The following CNTNAP3B variants were observed in gnomAD, a reference collection of about 807,000 sequenced individuals.
The protein encoded by CNTNAP3B is contactin associated protein family member 3B, also known as contactin-associated protein-like 3B.
In CNTNAP3B, 25 loss-of-function variants were observed where a neutral mutation model predicts 108.9. The ratio of observed to expected loss-of-function variants is 0.23; its 90% CI spans 0.17 to 0.32. The LOEUF is 0.32. CNTNAP3B is among the 10% of genes least tolerant of loss of function. The probability of loss-of-function intolerance (pLI) is 1.00; values close to 1 mark genes in which losing one functional copy is unlikely to be tolerated. For missense variants in CNTNAP3B, 252 were observed against 1,210.4 expected, an observed-to-expected ratio of 0.21 and a Z score of 11.75; for synonymous variants, 103 against 473.4, an observed-to-expected ratio of 0.22 and a Z score of 10.16.
rs1241873130 is a variant in CNTNAP3B at position 42,093,513 on chromosome 9, A to T, written c.196+11116T>A. Among the ~76,000 whole-genome samples the T allele has an allele frequency of 2.3e-5, 2 of 86,220 alleles. 1 individual carries two copies. Among genetic ancestry groups the T allele is most frequent in the Non-Finnish European group, 4.8e-5 (2 of 41,902 alleles). 56.6% of individuals were successfully genotyped at this position (86,220 alleles called of 152,430 possible). A position where few individuals can be genotyped will look rare whatever the true frequency, so the allele number is the denominator to read the frequency against. On this transcript the variant is annotated intron_variant, in intron 2 of 23. Transcript: ENST00000377561. ...ACCATTTGAACTGTTTTATATGTAAAGTTCAGTAGCATTAAGTACATTCAC... is the reference window on the plus strand; with the variant it reads ...ACCATTTGAACTGTTTTATATGTAATGTTCAGTAGCATTAAGTACATTCAC...
chr9:42,099,294 T>C (rs1827975593), intron 2 of CNTNAP3B, among the ~76,000 whole-genome samples: 1 of 123,294 alleles, frequency 8.1e-6, no homozygotes, highest in African/African-American at 3.3e-5. Context: ...GTGACCCACA[T>C]CATCAACAAT....
At chr9:42,053,334 G>A (rs2118546845) in intron 3 of CNTNAP3B, among the ~76,000 whole-genome samples, 1 of 126,602 alleles carries the variant, frequency 7.9e-6, no homozygotes, top group South Asian at 2.5e-4. Context: ...TAAATGACAT[G>A]TTTTAGCCAG....
chr9:41,935,133 T>C (rs1179424613), intron 14 of CNTNAP3B, among the ~76,000 whole-genome samples: 1 of 152,292 alleles, frequency 6.6e-6, no homozygotes, highest in East Asian at 1.9e-4. Context: ...TTTTAAATCA[T>C]TATAGTGCCT....
rs1359602731 is a variant in CNTNAP3B, at chr9:42,001,391, G to A, written c.539-2787C>T. 2.3e-5 allele frequency among the ~76,000 whole-genome samples: 3 copies of A among 131,908 alleles called. 1 individual carries two copies. Among genetic ancestry groups the A allele is most frequent in the Non-Finnish European group, 4.8e-5 (3 of 62,832 alleles). 86.5% of individuals were successfully genotyped at this position (131,908 alleles called of 152,430 possible). On this transcript the variant is annotated intron_variant, in intron 4 of 23. Transcript: ENST00000377561. ...CTTGTGTCACTGCACCCCAGCCTGG[G>A]CAACACAGCAAGACCCCATTTCAAG...
Position 42,117,199 on chromosome 9 carries a change from C to G in CNTNAP3B, c.85+11811G>C, listed in dbSNP as rs1278833267. ...CCTAATAGACATCTACAGAACTCTCCACCCCAAATCAATAGAATATATATT... is the reference window on the plus strand; with the variant it reads ...CCTAATAGACATCTACAGAACTCTCGACCCCAAATCAATAGAATATATATT... On this transcript the variant is annotated intron_variant, in intron 1 of 23. Coordinates refer to ENST00000377561, the MANE Select transcript of CNTNAP3B (RefSeq NM_001201380.3). Among the ~76,000 whole-genome samples, 2 of 135,560 alleles carry G rather than the reference C, an allele frequency of 1.5e-5. 1 individual carries two copies. Among genetic ancestry groups the G allele is most frequent in the Non-Finnish European group, 3.1e-5 (2 of 64,126 alleles). 88.9% of individuals were successfully genotyped at this position (135,560 alleles called of 152,430 possible).
rs1692982 is a variant in CNTNAP3B, at chr9:41,967,761, G to T, written c.1649+2313C>A. On this transcript the variant is annotated intron_variant, in intron 10 of 23. Coordinates refer to ENST00000377561, the MANE Select transcript of CNTNAP3B (RefSeq NM_001201380.3). Reference sequence around the variant, plus strand: ...AATTCAGGTTTTCAAAATAATCTCAGAGGAGCTAGTCTTCTACGTTACTGA... The same window carrying T: ...AATTCAGGTTTTCAAAATAATCTCATAGGAGCTAGTCTTCTACGTTACTGA... 5.3e-3 allele frequency among the ~76,000 whole-genome samples: 812 copies of T among 152,194 alleles called. 2 individuals carry two copies. The highest frequency in any genetic ancestry group is 0.019 in the African/African-American group (775 of 41,408).
intron 14 of CNTNAP3B, among the ~76,000 whole-genome samples, chr9:41,937,249 C>T (rs907740180): frequency 2.6e-5 from 4 of 151,104 alleles, no homozygotes; most frequent in African/African-American, 7.4e-5. Context: ...GTCTCACCCT[C>T]CTGAGCAGCT....
chr9:41,927,529 A>T (rs1419445448), intron 15 of CNTNAP3B, among the ~76,000 whole-genome samples: 2 of 148,314 alleles, frequency 1.3e-5, no homozygotes, highest in Non-Finnish European at 3.0e-5. Context: ...GAGGAAGGGA[A>T]GGAGAGAAAG....
rs887947528 is a variant in CNTNAP3B at position 42,031,366 on chromosome 9, TC to T, written c.391-17842del. Among the ~76,000 whole-genome samples, 2 of 124,524 alleles carry T rather than the reference TC, an allele frequency of 1.6e-5. 1 individual carries two copies. The highest frequency in any genetic ancestry group is 6.7e-5 in the African/African-American group (2 of 29,942). The allele number at this position is 124,524 out of a possible 152,430, so 81.7% of individuals were successfully genotyped here. On this transcript the variant is annotated intron_variant, in intron 3 of 23. Coordinates refer to ENST00000377561, the MANE Select transcript of CNTNAP3B (RefSeq NM_001201380.3). ...CCACTGCGTCTCGACTCAGCTTCAA[TC>T]CACATTAATTCTGGATCTCCCACTG... is the stretch of plus-strand genomic sequence containing the variant.
At chr9:42,114,096 T>G (rs1828260434) in intron 1 of CNTNAP3B, among the ~76,000 whole-genome samples, 2 of 118,138 alleles carry the variant, frequency 1.7e-5, no homozygotes, top group South Asian at 3.0e-4. Context: ...TGTGTTCAAC[T>G]TATAACATCT....
intron 1 of CNTNAP3B, among the ~76,000 whole-genome samples, chr9:42,105,692 A>G (rs573782939): frequency 1.1e-5 from 1 of 93,948 alleles, no homozygotes; most frequent in South Asian, 3.6e-4. Context: ...GAAGCAACCC[A>G]GAGGTTACCT....
At chr9:41,916,329 T>G in intron 18 of CNTNAP3B, among the ~76,000 whole-genome samples, 1 of 146,938 alleles carries the variant, frequency 6.8e-6, no homozygotes, top group Non-Finnish European at 1.5e-5. Context: ...TTTTATACAT[T>G]GCTTTTTAAA....
chr9:41,915,866 A>G (rs1823503698), intron 18 of CNTNAP3B, among the ~76,000 whole-genome samples: 1 of 151,144 alleles, frequency 6.6e-6, no homozygotes, highest in Non-Finnish European at 1.5e-5. Context: ...GCCTTTTAAT[A>G]TACTTCATGA....
rs199643299 is a variant in CNTNAP3B at position 42,111,680 on chromosome 9, G to GA, written c.86-6942dup. 5.8e-3 allele frequency among the ~76,000 whole-genome samples: 807 copies of GA among 138,904 alleles called. 139 individuals are homozygous for GA. The highest frequency in any genetic ancestry group is 0.054 in the Admixed American group (747 of 13,948). 91.1% of individuals were successfully genotyped at this position (138,904 alleles called of 152,430 possible). A position where few individuals can be genotyped will look rare whatever the true frequency, so the allele number is the denominator to read the frequency against. On this transcript the variant is annotated intron_variant, in intron 1 of 23. Transcript: ENST00000377561. ...TCTTAGATTTTGGTCACCTGAAACT[G>GA]AAAAATACTCAATAAGTACACTGTC...
At chr9:41,924,777 C>G (rs1172468082) in intron 15 of CNTNAP3B, among the ~76,000 whole-genome samples, 2 of 152,244 alleles carry the variant, frequency 1.3e-5, no homozygotes, top group Non-Finnish European at 2.9e-5. Flanking sequence ...CACAGGACTG[C>G]ACATCACATG....
rs1380190442 is a variant in CNTNAP3B at position 42,061,321 on chromosome 9, T to C, written c.390+15548A>G. Among the ~76,000 whole-genome samples, 5 of 44,482 alleles carry C rather than the reference T, an allele frequency of 1.1e-4. 1 individual carries two copies. Among genetic ancestry groups the C allele is most frequent in the African/African-American group, 7.6e-5 (1 of 13,224 alleles). The allele number at this position is 44,482 out of a possible 152,430, so 29.2% of individuals were successfully genotyped here. On this transcript the variant is annotated intron_variant, in intron 3 of 23. Transcript: ENST00000377561. ...GTATTTCTGAATTTTCTTTTTCTTT[T>C]TTTTTTTTTTTTTTTTTGAGACAGT...
chr9:42,056,326 T>TTTTATTATTATTA (rs1554753495), intron 3 of CNTNAP3B, among the ~76,000 whole-genome samples: 85 of 129,104 alleles, frequency 6.6e-4, no homozygotes, highest in African/African-American at 8.5e-4. Context: ...TCTCATGAAT[T>TTTTATTATTATTA]TTATTATTAT....
rs1163229334 is a variant in CNTNAP3B at position 41,977,679 on chromosome 9, G to A, written c.1478-7434C>T. On this transcript the variant is annotated intron_variant, in intron 9 of 23. Coordinates refer to ENST00000377561, the MANE Select transcript of CNTNAP3B (RefSeq NM_001201380.3). ...GTCACCCAGGCTGGAGTGCAGTGGC[G>A]CAGTCTCAGCTCACTGTATAAGCTC... Among the ~76,000 whole-genome samples, 37 of 129,534 alleles carry A rather than the reference G, an allele frequency of 2.9e-4. No homozygotes were observed. In the East Asian group the frequency reaches 6.6e-3, roughly 23 times the overall value. 85.0% of individuals were successfully genotyped at this position (129,534 alleles called of 152,430 possible).
intron 3 of CNTNAP3B, among the ~76,000 whole-genome samples, chr9:42,066,648 C>T (rs566640102): frequency 7.7e-6 from 1 of 130,314 alleles, no homozygotes; most frequent in Non-Finnish European, 1.6e-5. Context: ...AGGCTGGTCT[C>T]AAACTCCTGA....
Sources: gnomAD v4.1 joint callset for allele counts (sites outside exome capture counted in the v4.1 genomes callset) on GRCh38, gnomAD v4.1.1 for gene constraint, MANE v1.5 for transcripts, NCBI Gene and HGNC (gene_info 2026-07-23, HGNC 2026-07-21) for gene names.